CASTOR2: variants seen among roughly 807,000 people sequenced by gnomAD.
CASTOR2 encodes the protein GATS protein like 2.
Under a neutral mutation model 31.2 loss-of-function variants are expected in CASTOR2, and 8 were observed. The observed-to-expected ratio is 0.26, with a 90% CI of 0.15 to 0.46. CASTOR2 has a LOEUF of 0.46. Among genes scored for constraint, CASTOR2 ranks in the 20% least tolerant of loss-of-function variants. The pLI is 0.99. For missense variants in CASTOR2, 216 were observed against 382.1 expected (o/e 0.57, Z 3.62); for synonymous variants, 162 against 158.7 (o/e 1.02, Z -0.16).
At position 75,015,959 on chromosome 7, in the gene CASTOR2, C is replaced by T. The variant is rs1804854012; in HGVS notation, c.185-1639C>T. ...TTGGGTGCCTCTAATCCCAGCTACT[C>T]GGGAGGCCGAGGCAGGAGAATTGCT... On this transcript the variant is annotated intron_variant, in intron 2 of 8. Coordinates refer to ENST00000616305, the MANE Select transcript of CASTOR2 (RefSeq NM_001145064.3). Among the ~76,000 whole-genome samples, 3 of 152,120 alleles carry T rather than the reference C, an allele frequency of 2.0e-5. No homozygotes were observed. The South Asian group carries it at 6.2e-4, about 32-fold the overall frequency.
At chr7:75,003,682 G>A (rs1369629440) in intron 1 of CASTOR2, among the ~76,000 whole-genome samples, 2 of 151,536 alleles carry the variant, frequency 1.3e-5, no homozygotes, top group Non-Finnish European at 2.9e-5. Context: ...CCCAGGAGGC[G>A]GAGCTTGCAG....
intron 1 of CASTOR2, among the ~76,000 whole-genome samples, chr7:75,001,374 G>A (rs1279256330): frequency 6.6e-6 from 1 of 152,098 alleles, no homozygotes; most frequent in African/African-American, 2.4e-5. Flanking sequence ...CACTGCGCCC[G>A]GCCTCCCACC....
At chr7:74,986,254 G>GT (rs1189902731) in intron 1 of CASTOR2, among the ~76,000 whole-genome samples, 1 of 77,020 alleles carries the variant, frequency 1.3e-5, no homozygotes, top group Non-Finnish European at 3.7e-5. Flanking sequence ...GAACATGCCT[G>GT]TGGGGGGTGG....
chr7:75,016,461 A>G (rs1804865411), intron 2 of CASTOR2, among the ~76,000 whole-genome samples: 1 of 152,118 alleles, frequency 6.6e-6, no homozygotes, highest in African/African-American at 2.4e-5. Flanking sequence ...ACTGCCCCCC[A>G]TGATGCAGCC....
At chr7:75,014,902 C>T (rs1191331322) in intron 2 of CASTOR2, among the ~76,000 whole-genome samples, 5 of 152,346 alleles carry the variant, frequency 3.3e-5, no homozygotes, top group East Asian at 1.9e-4. Flanking sequence ...TATCAGCAGC[C>T]GCTTCCGCTG....
intron 1 of CASTOR2, among the ~76,000 whole-genome samples, chr7:74,971,148 A>T (rs1191418784): frequency 7.0e-6 from 1 of 143,626 alleles, no homozygotes; most frequent in Non-Finnish European, 1.5e-5. Context: ...GGCACCCACC[A>T]CCATGCCCGG....
intron 2 of CASTOR2, among the ~76,000 whole-genome samples, chr7:75,011,585 A>T (rs1804746319): frequency 6.6e-6 from 1 of 151,502 alleles, no homozygotes; most frequent in Admixed American, 6.6e-5. Context: ...ATACAAAAAA[A>T]ATTTGCCAGG....
At position 75,015,925 on chromosome 7, in the gene CASTOR2, G is replaced by T. The variant is rs1235715722; in HGVS notation, c.185-1673G>T. On this transcript the variant is annotated intron_variant, in intron 2 of 8. Transcript: ENST00000616305. ...TTACTAAAAATATAAAAATTAGCCG[G>T]GCATGATGTTGGGTGCCTCTAATCC... is the stretch of plus-strand genomic sequence containing the variant. Among the ~76,000 whole-genome samples the T allele has an allele frequency of 2.6e-5, 4 of 152,172 alleles. No individual in the cohort carries two copies. The South Asian group carries it at 8.3e-4, about 32-fold the overall frequency.
chr7:75,004,866 GGTTTTTTT>G (rs1283243590), intron 1 of CASTOR2, among the ~76,000 whole-genome samples: 13 of 151,876 alleles, frequency 8.6e-5, no homozygotes, highest in African/African-American at 3.1e-4. Flanking sequence ...GATCTTGTGA[GGTTTTTTT>G]GTTTTTTTGA....
chr7:75,025,723 A>G lies in CASTOR2; in HGVS notation c.*1024A>G, dbSNP rs1345836745. ...TAACTGAGCCTTAATAGAGAAAACC[A>G]TACTTTGTTTTAGTTTTTTATTTAA... On this transcript the variant is annotated 3_prime_UTR_variant, in exon 9 of 9. Transcript: ENST00000616305. 6.6e-6 allele frequency among the ~76,000 whole-genome samples: 1 copy of G among 152,184 alleles called. No individual in the cohort carries two copies. Among genetic ancestry groups the G allele is most frequent in the Non-Finnish European group, 1.5e-5 (1 of 68,038 alleles).
chr7:75,015,876 G>A (rs1363858511), intron 2 of CASTOR2, among the ~76,000 whole-genome samples: 2 of 152,090 alleles, frequency 1.3e-5, no homozygotes, highest in Non-Finnish European at 1.5e-5. Context: ...AGACCAGCCG[G>A]GCCAACATGG....
At chr7:75,016,845 C>T (rs1163783894) in intron 2 of CASTOR2, among the ~76,000 whole-genome samples, 2 of 152,222 alleles carry the variant, frequency 1.3e-5, no homozygotes, top group African/African-American at 4.8e-5. Context: ...GCCCAGTCCT[C>T]CCAGGAAGCA....
intron 2 of CASTOR2, among the ~76,000 whole-genome samples, chr7:75,013,821 G>A (rs1238017009): frequency 1.3e-5 from 2 of 151,988 alleles, no homozygotes; most frequent in African/African-American, 2.4e-5. Flanking sequence ...TCCACCTCCC[G>A]GGTTCAAGCG....
At chr7:74,991,464 C>A (rs1425853225) in intron 1 of CASTOR2, among the ~76,000 whole-genome samples, 1 of 151,918 alleles carries the variant, frequency 6.6e-6, no homozygotes. Flanking sequence ...CAGCCCCTGG[C>A]ACCCAAGACA....
chr7:75,019,584 T>C (rs1554440167), intron 5 of CASTOR2, among the ~76,000 whole-genome samples: 3 of 152,274 alleles, frequency 2.0e-5, no homozygotes, highest in South Asian at 2.1e-4. Context: ...CAAAGACTCA[T>C]TGGGAGCTGT....
chr7:75,003,172 C>T (rs1464485972), intron 1 of CASTOR2, among the ~76,000 whole-genome samples: 10 of 151,964 alleles, frequency 6.6e-5, no homozygotes, highest in Middle Eastern at 3.4e-3. Context: ...GTGGGCTGGG[C>T]GCAGTGACTC....
At chr7:74,988,964 CT>C (rs34618815) in intron 1 of CASTOR2, among the ~76,000 whole-genome samples, 14,118 of 137,716 alleles carry the variant, frequency 0.1, 2,228 homozygotes, top group African/African-American at 0.36. Flanking sequence ...GGGAATTTTT[CT>C]TTTTTTTTTT....
chr7:74,982,374 C>T (rs1279621784), intron 1 of CASTOR2, among the ~76,000 whole-genome samples: 3 of 151,840 alleles, frequency 2.0e-5, no homozygotes, highest in South Asian at 4.2e-4. Context: ...GTAACCTGCC[C>T]CAGCCACCCA....
chr7:75,024,736 C>T lies in CASTOR2; in HGVS notation c.*37C>T. On this transcript the variant is annotated 3_prime_UTR_variant, in exon 9 of 9. Coordinates refer to ENST00000616305, the MANE Select transcript of CASTOR2 (RefSeq NM_001145064.3). The stretch of plus-strand genomic sequence containing the variant: ...CTGCTCCTCCCTGCCGCCGCCCGGG[C>T]CCAGCCCTAACCCTGAAGATTGATC... The T allele has an allele frequency of 6.4e-7, 1 of 1,551,542 alleles. No individual in the cohort carries two copies. Among genetic ancestry groups the T allele is most frequent in the Non-Finnish European group, 8.7e-7 (1 of 1,146,836 alleles).
Sources: gnomAD v4.1 joint callset for allele counts (sites outside exome capture counted in the v4.1 genomes callset) on GRCh38, gnomAD v4.1.1 for gene constraint, MANE v1.5 for transcripts, NCBI Gene and HGNC (gene_info 2026-07-23, HGNC 2026-07-21) for gene names.